PTK2B: variants seen among roughly 807,000 people sequenced by gnomAD.
The protein encoded by PTK2B is protein-tyrosine kinase 2-beta.
Under a neutral mutation model 142.9 loss-of-function variants are expected in PTK2B, and 71 were observed. The ratio of observed to expected loss-of-function variants is 0.50; its 90% CI spans 0.41 to 0.61. The LOEUF is 0.61. PTK2B is among the 20% of genes least tolerant of loss of function. The pLI, the probability that PTK2B is intolerant of heterozygous loss-of-function variation, is 0.00. For missense variants in PTK2B, 1,105 were observed against 1,320.4 expected (o/e 0.84, Z 2.53); for synonymous variants, 519 against 503.4 (o/e 1.03, Z -0.42).
intron 2 of PTK2B, among the ~76,000 whole-genome samples, chr8:27,414,558 CT>C (rs1289712684): frequency 8.3e-6 from 1 of 120,876 alleles, no homozygotes; most frequent in Non-Finnish European, 1.9e-5. Flanking sequence ...GCTGTCACTG[CT>C]TCTAAGTCCT....
intron 2 of PTK2B, among the ~76,000 whole-genome samples, chr8:27,413,417 C>T (rs575568270): frequency 6.6e-6 from 1 of 152,346 alleles, no homozygotes; most frequent in South Asian, 2.1e-4. Flanking sequence ...TCCAGGAGCA[C>T]ACATTGCACT....
chr8:27,401,247 G>A (rs1808369271), intron 2 of PTK2B, among the ~76,000 whole-genome samples: 1 of 137,750 alleles, frequency 7.3e-6, no homozygotes, highest in Non-Finnish European at 1.6e-5. Context: ...AGAGAACCAG[G>A]AGAACAAGAG....
chr8:27,334,611 T>C (rs1291950439), intron 1 of PTK2B, among the ~76,000 whole-genome samples: 1 of 152,222 alleles, frequency 6.6e-6, no homozygotes, highest in Admixed American at 6.5e-5. Context: ...TATTTTGTTC[T>C]TCTTCCTTAT....
intron 12 of PTK2B, 58 bp from the exon 13 acceptor site, chr8:27,434,455 C>T (rs981987585): frequency 1.3e-6 from 2 of 1,555,754 alleles, no homozygotes; most frequent in Non-Finnish European, 1.7e-6. Context: ...CGAGGCTGCC[C>T]AGGGGAACAT....
chr8:27,449,555 G>A (rs1019832), intron 24 of PTK2B, among the ~76,000 whole-genome samples: 32,048 of 152,242 alleles, frequency 0.21, 4,020 homozygotes, highest in Middle Eastern at 0.3. Context: ...CCACTTCAAA[G>A]GCAAGGAACT....
intron 27 of PTK2B, chr8:27,451,980 C>A: frequency 1.1e-5 from 2 of 176,414 alleles, no homozygotes; most frequent in South Asian, 1.5e-4. Flanking sequence ...AGGGAAGAGC[C>A]AGCAGTAAGC....
chr8:27,320,999 T>TTTTTTTTTTTTTTTG (rs1803201726), upstream of PTK2B, among the ~76,000 whole-genome samples: 1 of 128,328 alleles, frequency 7.8e-6, no homozygotes, highest in Non-Finnish European at 1.6e-5. Flanking sequence ...TTTTTTTTTT[T>TTTTTTTTTTTTTTTG]TTTTTTTTTT....
chr8:27,321,079 C>T (rs1221126251), upstream of PTK2B, among the ~76,000 whole-genome samples: 1 of 136,964 alleles, frequency 7.3e-6, no homozygotes, highest in East Asian at 2.3e-4. Context: ...ATTGCATCCT[C>T]AGTCTCCTGG....
intron 2 of PTK2B, among the ~76,000 whole-genome samples, chr8:27,417,565 A>T (rs970030347): frequency 6.6e-6 from 1 of 152,182 alleles, no homozygotes; most frequent in South Asian, 2.1e-4. Context: ...GCTTCAATTT[A>T]TGCATTTTAA....
At chr8:27,373,519 G>A (rs958877745) in intron 1 of PTK2B, among the ~76,000 whole-genome samples, 6 of 151,966 alleles carry the variant, frequency 3.9e-5, no homozygotes, top group Non-Finnish European at 5.9e-5. Context: ...AGTTTATCCC[G>A]ACATTTAAAA....
chr8:27,454,130 T>C, intron 28 of PTK2B, 24 bp from the exon 29 acceptor site: 1 of 1,613,694 alleles, frequency 6.2e-7, no homozygotes. Flanking sequence ...CCCAACTCAC[T>C]GGCCACCTGC....
At chr8:27,455,474 G>A (rs1310105733) in intron 30 of PTK2B, among the ~76,000 whole-genome samples, 2 of 152,196 alleles carry the variant, frequency 1.3e-5, no homozygotes, top group Non-Finnish European at 2.9e-5. Flanking sequence ...GACTGAGCCT[G>A]GGAGGTGGAG....
chr8:27,411,873 C>T (rs368626963), intron 2 of PTK2B, among the ~76,000 whole-genome samples: 28 of 152,292 alleles, frequency 1.8e-4, no homozygotes, highest in East Asian at 7.7e-4. Flanking sequence ...CACTTCTGAC[C>T]AATTGGCTAC....
rs570878626 is a variant in PTK2B, at chr8:27,390,324, G to C, written c.-37-7224G>C. ...ACCTGATCCTGCACTTAGGAGGTCA[G>C]TTTAGATTTTTTAAAAGTCAGGTTT... On this transcript the variant is annotated intron_variant, in intron 1 of 30. Coordinates refer to ENST00000346049, the MANE Select transcript of PTK2B (RefSeq NM_173176.3). 1.4e-3 allele frequency among the ~76,000 whole-genome samples: 215 copies of C among 152,246 alleles called. 1 individual carries two copies. The highest frequency in any genetic ancestry group is 4.9e-3 in the African/African-American group (204 of 41,558).
intron 2 of PTK2B, among the ~76,000 whole-genome samples, chr8:27,418,229 T>C (rs1809522052): frequency 6.6e-6 from 1 of 152,194 alleles, no homozygotes; most frequent in Non-Finnish European, 1.5e-5. Flanking sequence ...GCTGAGGGTC[T>C]TCTAGTTTCA....
At chr8:27,367,663 C>T (rs913483714) in intron 1 of PTK2B, among the ~76,000 whole-genome samples, 2 of 152,224 alleles carry the variant, frequency 1.3e-5, no homozygotes, top group Non-Finnish European at 2.9e-5. Flanking sequence ...GTTCTGCAGG[C>T]TGTGCAAGCA....
intron 12 of PTK2B, 145 bp downstream of exon 12, chr8:27,434,277 C>A (rs998960091): frequency 3.5e-6 from 4 of 1,147,358 alleles, no homozygotes; most frequent in South Asian, 1.5e-5. Flanking sequence ...CTTTCCCTCC[C>A]AATAAATACC....
At chr8:27,389,537 C>T (rs1047976263) in intron 1 of PTK2B, among the ~76,000 whole-genome samples, 2 of 152,172 alleles carry the variant, frequency 1.3e-5, no homozygotes, top group African/African-American at 2.4e-5. Context: ...CTGTTGCTCC[C>T]CTCCTGCCCC....
chr8:27,311,188 C>T (rs748641937), upstream of PTK2B: 11 of 1,601,432 alleles, frequency 6.9e-6, no homozygotes, highest in Non-Finnish European at 9.4e-6. Flanking sequence ...GCAACTCCTC[C>T]TTGAAGGAGC....
Sources: gnomAD v4.1 joint callset for allele counts (sites outside exome capture counted in the v4.1 genomes callset) on GRCh38, gnomAD v4.1.1 for gene constraint, MANE v1.5 for transcripts, NCBI Gene and HGNC (gene_info 2026-07-23, HGNC 2026-07-21) for gene names.